Variants in TCF12 observed in about 807,000 individuals in gnomAD.
TCF12 encodes the protein DNA-binding protein HTF4.
Under a neutral mutation model 86.0 loss-of-function variants are expected in TCF12, and 45 were observed. The observed-to-expected ratio is 0.52, with a 90% confidence interval of 0.41 to 0.67. The LOEUF (loss-of-function observed/expected upper bound fraction) is 0.67, where lower values mean the gene tolerates loss of function less well. Ranked by LOEUF, TCF12 falls within the 30% of genes least tolerant of loss-of-function variation. TCF12 has a pLI of 0.00. For missense variants in TCF12, 881 were observed against 859.9 expected (o/e 1.02, Z -0.31); for synonymous variants, 330 against 299.6 (o/e 1.10, Z -1.05).
rs533070901 is a variant in TCF12 at position 57,191,043 on chromosome 15, C to A, written c.391-1115C>A. 6.6e-5 allele frequency among the ~76,000 whole-genome samples: 10 copies of A among 152,246 alleles called. No homozygotes were observed. In the South Asian group the frequency reaches 2.1e-3, roughly 32 times the overall value. ...GCAGCAGATGCAACAAAATGAAGAA[C>A]CACGTAAGCATGTGATCATTCTTAA... On this transcript the variant is annotated intron_variant, in intron 6 of 20. Transcript: ENST00000333725.
At chr15:57,272,402 G>A (rs949109802) in intron 18 of TCF12, among the ~76,000 whole-genome samples, 7 of 152,154 alleles carry the variant, frequency 4.6e-5, no homozygotes, top group Non-Finnish European at 8.8e-5. Flanking sequence ...CACCACTGAT[G>A]ATAATTTATC....
chr15:57,046,435 T>TTTTG (rs148324656), intron 3 of TCF12, among the ~76,000 whole-genome samples: 193 of 152,152 alleles, frequency 1.3e-3, no homozygotes, highest in Non-Finnish European at 2.2e-3. Flanking sequence ...CTGACATTGT[T>TTTTG]TTTGTTTGTT....
intron 9 of TCF12, 97 bp downstream of exon 9, chr15:57,231,354 C>G (rs1213916755): frequency 1.5e-5 from 13 of 878,758 alleles, no homozygotes; most frequent in Non-Finnish European, 2.2e-5. Context: ...ATATTCAGGC[C>G]TTATTTAGGC....
chr15:56,932,027 A>G (rs536713471), intron 3 of TCF12, among the ~76,000 whole-genome samples: 1 of 152,292 alleles, frequency 6.6e-6, no homozygotes, highest in Admixed American at 6.5e-5. Context: ...TTGCCTTCAT[A>G]TTTGTATAAT....
intron 16 of TCF12, among the ~76,000 whole-genome samples, chr15:57,256,543 T>TCCCC (rs1566997445): frequency 1.0e-4 from 14 of 138,156 alleles, no homozygotes; most frequent in Admixed American, 2.3e-4. Context: ...TGGAATCGAT[T>TCCCC]CCCCACCCCC....
At chr15:57,153,893 G>A (rs1168550732) in intron 5 of TCF12, among the ~76,000 whole-genome samples, 1 of 151,880 alleles carries the variant, frequency 6.6e-6, no homozygotes, top group Non-Finnish European at 1.5e-5. Flanking sequence ...AGCTACTTGG[G>A]CAGCTGACAT....
At chr15:57,063,878 T>C in intron 4 of TCF12, 55 bp downstream of exon 4, 1 of 1,330,478 alleles carries the variant, frequency 7.5e-7, no homozygotes, top group Non-Finnish European at 1.1e-6. Context: ...ACTACGTAAT[T>C]TCTTTCATAT....
chr15:57,089,858 G>A (rs1159584922), intron 4 of TCF12, among the ~76,000 whole-genome samples: 1 of 152,136 alleles, frequency 6.6e-6, no homozygotes, highest in Non-Finnish European at 1.5e-5. Context: ...GGGTGGCAGA[G>A]AGAACACCCA....
At chr15:56,952,614 T>C (rs1241545468) in intron 3 of TCF12, among the ~76,000 whole-genome samples, 7 of 152,280 alleles carry the variant, frequency 4.6e-5, no homozygotes, top group African/African-American at 1.7e-4. Context: ...TTGTCAGATA[T>C]ATCTCTGTTT....
intron 6 of TCF12, among the ~76,000 whole-genome samples, chr15:57,187,564 ATT>A (rs2056747660): frequency 6.6e-6 from 1 of 152,142 alleles, no homozygotes; most frequent in South Asian, 2.1e-4. Flanking sequence ...AAGTTTACAA[ATT>A]TGTGTTGAGC....
At chr15:57,013,060 CTG>C (rs1447908587) in intron 3 of TCF12, among the ~76,000 whole-genome samples, 1 of 151,252 alleles carries the variant, frequency 6.6e-6, no homozygotes, top group East Asian at 1.9e-4. Context: ...GTGTGTGAAA[CTG>C]TATGATAGTA....
At chr15:57,085,322 G>A (rs1409755995) in intron 4 of TCF12, among the ~76,000 whole-genome samples, 1 of 152,178 alleles carries the variant, frequency 6.6e-6, no homozygotes, top group Non-Finnish European at 1.5e-5. Context: ...TTATATGTTA[G>A]TATTGACCTG....
At chr15:57,019,375 A>G (rs1021517238) in intron 3 of TCF12, among the ~76,000 whole-genome samples, 1 of 152,180 alleles carries the variant, frequency 6.6e-6, no homozygotes, top group Non-Finnish European at 1.5e-5. Flanking sequence ...GATAAACCCA[A>G]TTCACTGAGA....
rs1596091170 is a variant in TCF12, at chr15:57,008,419, A to G, written c.149-55331A>G. Among the ~76,000 whole-genome samples the G allele has an allele frequency of 5.7e-5, 8 of 140,998 alleles. No individual in the cohort carries two copies. The Admixed American group carries it at 5.9e-4, about 10-fold the overall frequency. 92.5% of individuals were successfully genotyped at this position (140,998 alleles called of 152,430 possible). A position where few individuals can be genotyped will look rare whatever the true frequency, so the allele number is the denominator to read the frequency against. The stretch of plus-strand genomic sequence containing the variant: ...GAGACAGGGTTTTGCTCTGTTACCC[A>G]TGTTGGAGTATAGTGGTGCAGTTAT... On this transcript the variant is annotated intron_variant, in intron 3 of 20. Coordinates refer to ENST00000333725, the MANE Select transcript of TCF12 (RefSeq NM_207037.2).
intron 3 of TCF12, among the ~76,000 whole-genome samples, chr15:56,967,513 T>G (rs1333045630): frequency 6.6e-6 from 1 of 152,212 alleles, no homozygotes; most frequent in Non-Finnish European, 1.5e-5. Context: ...TGTTTGTGTA[T>G]CTGTTTAATT....
intron 3 of TCF12, among the ~76,000 whole-genome samples, chr15:56,967,489 CCTT>C (rs1160931536): frequency 7.9e-5 from 12 of 152,184 alleles, no homozygotes. Context: ...AACTCTGGCT[CCTT>C]CTCCTTCTTC....
chr15:56,967,562 G>T (rs1172000994), intron 3 of TCF12, among the ~76,000 whole-genome samples: 1 of 152,170 alleles, frequency 6.6e-6, no homozygotes, highest in African/African-American at 2.4e-5. Context: ...TGTCTGCCAA[G>T]GACCGGATGT....
intron 3 of TCF12, among the ~76,000 whole-genome samples, chr15:56,980,979 T>C (rs1459325092): frequency 6.6e-6 from 1 of 152,224 alleles, no homozygotes; most frequent in Non-Finnish European, 1.5e-5. Flanking sequence ...GAAGATTAGG[T>C]AATCACTTTC....
intron 18 of TCF12, among the ~76,000 whole-genome samples, chr15:57,270,328 C>T (rs1289026418): frequency 6.6e-6 from 1 of 152,136 alleles, no homozygotes; most frequent in East Asian, 1.9e-4. Flanking sequence ...CACTGATATC[C>T]TTTCCTCTGC....
Sources: allele counts gnomAD v4.1 joint callset (sites outside exome capture counted in the v4.1 genomes callset), GRCh38; gene constraint gnomAD v4.1.1; transcripts MANE v1.5; gene names NCBI Gene and HGNC (gene_info 2026-07-23, HGNC 2026-07-21).